ZRANB3: variants seen among roughly 807,000 people sequenced by gnomAD.
ZRANB3 encodes zinc finger RANBP2-type containing 3, also known as DNA annealing helicase and endonuclease ZRANB3.
ZRANB3 carries 125 observed loss-of-function variants against 133.8 expected under a neutral mutation model. That is an observed-to-expected ratio of 0.93 (90% confidence interval 0.81 to 1.08). ZRANB3 has a LOEUF of 1.08. Ranked by LOEUF, ZRANB3 falls within the 50% of genes least tolerant of loss-of-function variation. ZRANB3 has a pLI of 0.00. For synonymous variants in ZRANB3, 387 were observed against 432.7 expected, an observed-to-expected ratio of 0.89 and a Z score of 1.31; for missense variants, 1,229 against 1,275.5, an observed-to-expected ratio of 0.96 and a Z score of 0.56.
chr2:135,433,344 A>G (rs1172600079), intron 2 of ZRANB3, among the ~76,000 whole-genome samples: 1 of 152,016 alleles, frequency 6.6e-6, no homozygotes, highest in African/African-American at 2.4e-5. Flanking sequence ...CCGTATTTGC[A>G]CCAATGCACT....
intron 1 of ZRANB3, among the ~76,000 whole-genome samples, chr2:135,530,181 G>A (rs1574271025): frequency 6.7e-6 from 1 of 149,586 alleles, no homozygotes; most frequent in African/African-American, 2.5e-5. Flanking sequence ...CTGCACTCCA[G>A]CCTGGGGACA....
chr2:135,417,639 C>T (rs1420155274), intron 2 of ZRANB3, among the ~76,000 whole-genome samples: 1 of 152,200 alleles, frequency 6.6e-6, no homozygotes, highest in Non-Finnish European at 1.5e-5. Context: ...ATAAATCATG[C>T]TGCTATAAAG....
chr2:135,205,985 A>C (rs965227247), intron 19 of ZRANB3, among the ~76,000 whole-genome samples: 1 of 152,158 alleles, frequency 6.6e-6, no homozygotes, highest in Admixed American at 6.5e-5. Flanking sequence ...ATGAGAATGA[A>C]ACTAAGCCTC....
intron 12 of ZRANB3, among the ~76,000 whole-genome samples, chr2:135,231,859 T>C (rs1695036230): frequency 6.6e-6 from 1 of 152,034 alleles, no homozygotes; most frequent in Non-Finnish European, 1.5e-5. Context: ...AGTCTACAGC[T>C]TCCAGCATGA....
intron 2 of ZRANB3, among the ~76,000 whole-genome samples, chr2:135,453,881 C>T (rs1194433673): frequency 3.3e-5 from 5 of 152,186 alleles, no homozygotes; most frequent in South Asian, 4.1e-4. Flanking sequence ...TTTTCAGCAA[C>T]GCCCAACTCT....
chr2:135,445,737 G>A (rs542908833), intron 2 of ZRANB3, among the ~76,000 whole-genome samples: 70 of 149,826 alleles, frequency 4.7e-4, no homozygotes, highest in Non-Finnish European at 8.3e-4. Context: ...TTAGCCGGGT[G>A]CAGTGGCGGG....
chr2:135,218,930 C>A, intron 16 of ZRANB3, 147 bp downstream of exon 16: 1 of 553,342 alleles, frequency 1.8e-6, no homozygotes, highest in Non-Finnish European at 3.1e-6. Flanking sequence ...TAGGCACCAC[C>A]TAGAATGATG....
intron 2 of ZRANB3, among the ~76,000 whole-genome samples, chr2:135,407,341 G>T (rs1292543386): frequency 6.6e-6 from 1 of 151,992 alleles, no homozygotes; most frequent in East Asian, 1.9e-4. Flanking sequence ...ACAAATCGAA[G>T]AACATTCCAT....
intron 12 of ZRANB3, chr2:135,238,809 G>C (rs2105079835): frequency 6.6e-6 from 1 of 152,348 alleles, no homozygotes; most frequent in Admixed American, 6.5e-5. Flanking sequence ...CAGGCCACAT[G>C]GAGAAATCCT....
chr2:135,316,035 T>C (rs1347266700), intron 6 of ZRANB3, among the ~76,000 whole-genome samples: 1 of 152,166 alleles, frequency 6.6e-6, no homozygotes, highest in East Asian at 1.9e-4. Flanking sequence ...CTTCTTCCTT[T>C]GAAATACTTC....
At position 135,531,195 on chromosome 2, in the gene ZRANB3, T is replaced by TA. The variant is rs1459870367; in HGVS notation, c.-77dup. ...AACTCGTGGGAAAAGGTAGCTCTTT[T>TA]ACAAGTGGGCAAAATGGCTGTCCTC... is the stretch of plus-strand genomic sequence containing the variant. On this transcript the variant is annotated 5_prime_UTR_variant, in exon 1 of 21. Transcript: ENST00000264159. The TA allele has an allele frequency of 1.3e-5, 2 of 152,264 alleles. No individual in the cohort carries two copies. Among genetic ancestry groups the TA allele is most frequent in the African/African-American group, 4.8e-5 (2 of 41,450 alleles). The allele number at this position is 152,264 out of a possible 1,614,324, so 9.4% of individuals were successfully genotyped here. A position where few individuals can be genotyped will look rare whatever the true frequency, so the allele number is the denominator to read the frequency against.
At chr2:135,422,865 G>C (rs1490176047) in intron 2 of ZRANB3, among the ~76,000 whole-genome samples, 1 of 152,172 alleles carries the variant, frequency 6.6e-6, no homozygotes, top group Non-Finnish European at 1.5e-5. Context: ...GAGTATTTTA[G>C]TTTCCAAGGG....
chr2:135,368,351 T>G (rs1264133792), intron 3 of ZRANB3, among the ~76,000 whole-genome samples: 1 of 151,950 alleles, frequency 6.6e-6, no homozygotes, highest in Non-Finnish European at 1.5e-5. Context: ...CAATAAATAA[T>G]GAAAGTTAGT....
intron 2 of ZRANB3, among the ~76,000 whole-genome samples, chr2:135,463,618 T>C (rs1006299660): frequency 2.0e-5 from 3 of 152,098 alleles, no homozygotes; most frequent in Non-Finnish European, 2.9e-5. Flanking sequence ...GGTTTCGCCA[T>C]GTTGGGCAGG....
rs149786000 is a variant in ZRANB3, at chr2:135,497,170, C to A, written c.161+7159G>T. ...TGTATTATAAATATATAAATTCTCC[C>A]CAAACTGATCTATAGATGCAGTAAA... On this transcript the variant is annotated intron_variant, in intron 2 of 20. Transcript: ENST00000264159. 1.9e-4 allele frequency among the ~76,000 whole-genome samples: 29 copies of A among 152,226 alleles called. No individual in the cohort carries two copies. In the East Asian group the frequency reaches 5.6e-3, roughly 29 times the overall value.
Position 135,437,163 on chromosome 2 carries a change from T to C in ZRANB3, c.162-46343A>G, listed in dbSNP as rs1306204859. Among the ~76,000 whole-genome samples the C allele has an allele frequency of 2.6e-5, 4 of 152,208 alleles. No homozygotes were observed. The South Asian group carries it at 8.3e-4, about 32-fold the overall frequency. On this transcript the variant is annotated intron_variant, in intron 2 of 20. Coordinates refer to ENST00000264159, the MANE Select transcript of ZRANB3 (RefSeq NM_032143.4). The stretch of plus-strand genomic sequence containing the variant: ...TTAGTAGAGATGGGGTTTCTCTATG[T>C]TGGTCAGGTTGGTCTCGAACTCCTG...
intron 1 of ZRANB3, among the ~76,000 whole-genome samples, chr2:135,512,447 A>T (rs1488752446): frequency 1.3e-5 from 2 of 151,930 alleles, no homozygotes; most frequent in Non-Finnish European, 2.9e-5. Flanking sequence ...TTTTTTTTTA[A>T]TTAAGAATGT....
Position 135,275,648 on chromosome 2 carries a change from G to C in ZRANB3, c.1074C>G (p.Val358=), listed in dbSNP as rs192962553. 4.9e-4 allele frequency: 777 copies of C among 1,584,292 alleles called. 2 individuals carry two copies. The highest frequency in any genetic ancestry group is 2.0e-3 in the Middle Eastern group (12 of 5,912). The part of the protein sequence containing the change: ...LSMLQACTEA[V]IENKTRYIRI... ...AATGGCAACATACCTTATTTTCGAT[G>C]ACTGCTTCTGTGCAAGCTTGGAGCA... Residue 358 remains valine, a synonymous_variant, in exon 9 of 21, where the codon GTC becomes GTG. Transcript: ENST00000264159.
intron 8 of ZRANB3, among the ~76,000 whole-genome samples, chr2:135,292,270 A>C (rs555159886): frequency 1.3e-5 from 2 of 148,794 alleles, no homozygotes; most frequent in Non-Finnish European, 3.0e-5. Flanking sequence ...GTTTCCTGAC[A>C]TTTTAATGAT....
Sources: allele counts gnomAD v4.1 joint callset (sites outside exome capture counted in the v4.1 genomes callset), GRCh38; gene constraint gnomAD v4.1.1; transcripts MANE v1.5; gene names NCBI Gene and HGNC (gene_info 2026-07-23, HGNC 2026-07-21).